The following ZNF487 variants were observed in gnomAD, a reference collection of about 807,000 sequenced individuals.
The protein encoded by ZNF487 is KRAB domain only 1.
ZNF487 carries 4 observed loss-of-function variants against 3.0 expected under a neutral mutation model. The ratio of observed to expected loss-of-function variants is 1.35; its 90% CI spans 0.66 to 3.08. The LOEUF (loss-of-function observed/expected upper bound fraction) is 3.08. Ranked by LOEUF, ZNF487 falls within the 30% of genes most tolerant of loss-of-function variation. ZNF487 has a pLI of 0.01. For synonymous variants in ZNF487, 55 were observed against 34.6 expected (o/e 1.59, Z -2.06); for missense variants, 146 against 98.7 (o/e 1.48, Z -2.03).
chr10:43,445,240 C>G (rs1038072857), intron 1 of ZNF487, among the ~76,000 whole-genome samples: 2 of 151,948 alleles, frequency 1.3e-5, no homozygotes, highest in Non-Finnish European at 2.9e-5. Flanking sequence ...TTTCTCACCT[C>G]AGCCTTCCAA....
chr10:43,501,702 A>C, the ZNF487 span, among the ~76,000 whole-genome samples: 2 of 152,086 alleles, frequency 1.3e-5, no homozygotes, highest in African/African-American at 4.8e-5. Flanking sequence ...AGATAGTGCC[A>C]CTGCATTCCA....
intron 1 of ZNF487, among the ~76,000 whole-genome samples, chr10:43,468,372 A>G (rs1840779293): frequency 1.3e-5 from 2 of 152,132 alleles, no homozygotes; most frequent in Non-Finnish European, 2.9e-5. Flanking sequence ...CATGCTACAG[A>G]GAAATCTTTC....
intron 1 of ZNF487, chr10:43,454,498 T>G (rs1840106682): frequency 6.6e-6 from 1 of 152,242 alleles, no homozygotes; most frequent in South Asian, 2.1e-4. Flanking sequence ...GCTTTGAAAC[T>G]TGTGAATGAT....
chr10:43,437,184 A>G lies in ZNF487; in HGVS notation c.-172A>G. ...AGTTCCTCAGCTACGACTACCAGGT[A>G]CCTCGGGTTCCTCCCTCCTCCGAGA... is the stretch of plus-strand genomic sequence containing the variant. On this transcript the variant is annotated 5_prime_UTR_variant, in exon 1 of 4. Transcript: ENST00000437590. 1 of 262,110 alleles carries G rather than the reference A, an allele frequency of 3.8e-6. No homozygotes were observed. Among genetic ancestry groups the G allele is most frequent in the South Asian group, 2.9e-5 (1 of 34,110 alleles). 16.2% of individuals were successfully genotyped at this position (262,110 alleles called of 1,614,324 possible).
At chr10:43,455,445 T>A (rs1840151006) in intron 1 of ZNF487, among the ~76,000 whole-genome samples, 1 of 152,226 alleles carries the variant, frequency 6.6e-6, no homozygotes, top group Non-Finnish European at 1.5e-5. Context: ...TCCGGGAGAA[T>A]CCCTGCGCCG....
At chr10:43,466,178 GAAA>G (rs1426323697) in intron 1 of ZNF487, among the ~76,000 whole-genome samples, 5 of 6,738 alleles carry the variant, frequency 7.4e-4, no homozygotes, top group South Asian at 4.6e-3. Context: ...GGAGACCGTG[GAAA>G]GAGAGGGAGA....
At position 43,476,147 on chromosome 10, in the gene ZNF487, G is replaced by A; in HGVS notation, c.75G>A (p.Glu25=). ...ITKPEVVCKL[E]HGQVLWILEE... ...AACCAGAGGTGGTTTGCAAGTTGGA[G>A]CATGGACAGGTGCTGTGGATATTAG... is the stretch of plus-strand genomic sequence containing the variant. Residue 25 remains glutamate (E), a synonymous_variant, in exon 3 of 4, where the codon GAG becomes GAA. Coordinates refer to ENST00000437590, the MANE Select transcript of ZNF487 (RefSeq NM_001355444.3). 1 of 717,518 alleles carries A rather than the reference G, an allele frequency of 1.4e-6. No individual in the cohort carries two copies. Among genetic ancestry groups the A allele is most frequent in the South Asian group, 1.5e-5 (1 of 67,602 alleles). 44.4% of individuals were successfully genotyped at this position (717,518 alleles called of 1,614,324 possible). A position where few individuals can be genotyped will look rare whatever the true frequency, so the allele number is the denominator to read the frequency against.
chr10:43,483,274 C>G (rs1316853438), downstream of ZNF487: 3 of 371,226 alleles, frequency 8.1e-6, no homozygotes, highest in Non-Finnish European at 5.2e-6. Flanking sequence ...GAGTTTCGCT[C>G]TTATTGCCCA....
intron 1 of ZNF487, among the ~76,000 whole-genome samples, chr10:43,440,657 CA>C (rs879288811): frequency 1.4e-3 from 183 of 133,776 alleles, no homozygotes; most frequent in Middle Eastern, 3.9e-3. Flanking sequence ...GACTCTGTCT[CA>C]AAAAAAAAAA....
intron 1 of ZNF487, among the ~76,000 whole-genome samples, chr10:43,465,262 GGAC>G (rs1226890714): frequency 6.6e-6 from 1 of 150,900 alleles, no homozygotes; most frequent in African/African-American, 2.4e-5. Flanking sequence ...CCTCCCTCCC[GGAC>G]GGGGCGGCTG....
intron 3 of ZNF487, among the ~76,000 whole-genome samples, chr10:43,477,345 TCA>T (rs1475891922): frequency 4.6e-5 from 7 of 151,714 alleles, no homozygotes; most frequent in African/African-American, 1.7e-4. Context: ...TAGGTGTGTA[TCA>T]CCACGCCTGA....
the ZNF487 span, among the ~76,000 whole-genome samples, chr10:43,518,547 T>A: frequency 1.3e-5 from 2 of 152,166 alleles, no homozygotes; most frequent in Non-Finnish European, 2.9e-5. Context: ...ATGACCATCT[T>A]GCCATATTGC....
chr10:43,517,856 C>G, the ZNF487 span, among the ~76,000 whole-genome samples: 1 of 152,106 alleles, frequency 6.6e-6, no homozygotes, highest in Non-Finnish European at 1.5e-5. Flanking sequence ...CCTTGGCTAC[C>G]TGAGGATCCC....
At chr10:43,477,568 C>T (rs941808060) in intron 3 of ZNF487, among the ~76,000 whole-genome samples, 1 of 150,810 alleles carries the variant, frequency 6.6e-6, no homozygotes, top group Non-Finnish European at 1.5e-5. Flanking sequence ...TGAGTAAATG[C>T]TAAAAGAAAG....
intron 3 of ZNF487, among the ~76,000 whole-genome samples, chr10:43,480,306 C>T (rs1004342873): frequency 6.6e-6 from 1 of 151,346 alleles, no homozygotes; most frequent in African/African-American, 2.4e-5. Context: ...CAGGGTTTCA[C>T]CATGTTGGCC....
the ZNF487 span, among the ~76,000 whole-genome samples, chr10:43,498,160 C>T: frequency 1.2e-5 from 1 of 85,368 alleles, no homozygotes; most frequent in Non-Finnish European, 2.1e-5. Context: ...TGGAGTCTCA[C>T]TCTGTTGCCC....
chr10:43,505,050 T>C, the ZNF487 span, among the ~76,000 whole-genome samples: 11,285 of 151,566 alleles, frequency 0.074, 582 homozygotes, highest in East Asian at 0.2. Flanking sequence ...GCTGTGTTGC[T>C]CAAGCTGGAG....
chr10:43,483,014 C>G lies in ZNF487; in HGVS notation c.*1092C>G. On this transcript the variant is annotated 3_prime_UTR_variant, in exon 4 of 4. Transcript: ENST00000437590. ...AGCAACCCTATGAATATAATGAAAG[C>G]TTTTACCAGAATCCCAACTTCACTA... 1 of 483,260 alleles carries G rather than the reference C, an allele frequency of 2.1e-6. No individual in the cohort carries two copies. Among genetic ancestry groups the G allele is most frequent in the Non-Finnish European group, 4.2e-6 (1 of 239,408 alleles). 29.9% of individuals were successfully genotyped at this position (483,260 alleles called of 1,614,324 possible). A position where few individuals can be genotyped will look rare whatever the true frequency, so the allele number is the denominator to read the frequency against.
At chr10:43,441,963 A>T (rs1341051502) in intron 1 of ZNF487, among the ~76,000 whole-genome samples, 2 of 152,178 alleles carry the variant, frequency 1.3e-5, no homozygotes, top group Non-Finnish European at 2.9e-5. Context: ...ATGTAGGCTT[A>T]TGCCTGTAAT....
Sources: allele counts gnomAD v4.1 joint callset (sites outside exome capture counted in the v4.1 genomes callset), GRCh38; gene constraint gnomAD v4.1.1; transcripts MANE v1.5; gene names NCBI Gene and HGNC (gene_info 2026-07-23, HGNC 2026-07-21).